RBM26: variants seen among roughly 807,000 people sequenced by gnomAD.
RBM26 encodes the protein RNA binding motif protein 26.
Under a neutral mutation model 123.6 loss-of-function variants are expected in RBM26, and 30 were observed. The observed-to-expected ratio is 0.24, with a 90% CI of 0.18 to 0.33. The LOEUF is 0.33. Ranked by LOEUF, RBM26 falls within the 10% of genes least tolerant of loss-of-function variation. RBM26 has a pLI of 1.00. For synonymous variants in RBM26, 400 were observed against 404.4 expected, an observed-to-expected ratio of 0.99 and a Z score of 0.13; for missense variants, 947 against 1,203.6, an observed-to-expected ratio of 0.79 and a Z score of 3.15.
At chr13:79,314,524 A>T (rs1241215120), downstream of RBM26, 2 of 151,900 alleles carry the variant, frequency 1.3e-5, no homozygotes, top group African/African-American at 4.8e-5. Flanking sequence ...TGGCTATCCT[A>T]CTCCCAGAAA....
Position 79,337,200 on chromosome 13 carries a change from C to T in RBM26, c.2635G>A (p.Gly879Ser), listed in dbSNP as rs755860220. ...GRGRGRGRGR[G>S]VPGHAVVDHR... is the part of the protein sequence containing the mutation. ...TCCACCACAGCATGACCAGGCACACCTCGCCCTCGCCCTCGCCCCCTGCCT... is the reference window on the plus strand; with the variant it reads ...TCCACCACAGCATGACCAGGCACACTTCGCCCTCGCCCTCGCCCCCTGCCT... The change falls in exon 19 of 22, where the codon GGT becomes AGT. Residue 879 changes from glycine to serine, a missense_variant. Gly to Ser is a moderately conservative substitution (Grantham distance 56, BLOSUM62 0). Coordinates refer to ENST00000438737, the MANE Select transcript of RBM26 (RefSeq NM_001366735.2). 6.2e-7 allele frequency: 1 copy of T among 1,614,058 alleles called. No individual in the cohort carries two copies. The highest frequency in any genetic ancestry group is 1.7e-5 in the Admixed American group (1 of 60,010).
rs1055419321 is a variant in RBM26, at chr13:79,319,794, C to T, written c.*827G>A. 5 of 977,744 alleles carry T rather than the reference C, an allele frequency of 5.1e-6. No individual in the cohort carries two copies. In the East Asian group the frequency reaches 3.4e-4, roughly 67 times the overall value. The allele number at this position is 977,744 out of a possible 1,614,324, so 60.6% of individuals were successfully genotyped here. On this transcript the variant is annotated 3_prime_UTR_variant, in exon 22 of 22. Coordinates refer to ENST00000438737, the MANE Select transcript of RBM26 (RefSeq NM_001366735.2). ...GGATTGTACATTATTGTAAGGGTAC[C>T]AGTAACCATTATTATTAAGAATAAG...
intron 1 of RBM26, among the ~76,000 whole-genome samples, chr13:79,386,700 G>C (rs3742120): frequency 0.36 from 53,885 of 147,886 alleles, 11,432 homozygotes; most frequent in Middle Eastern, 0.52. Context: ...AGGAAGAATT[G>C]AGTTATCTGA....
chr13:79,395,674 G>A (rs1328529687), intron 1 of RBM26, among the ~76,000 whole-genome samples: 1 of 152,084 alleles, frequency 6.6e-6, no homozygotes, highest in Non-Finnish European at 1.5e-5. Context: ...GAGCCCAGGA[G>A]GTCCAGTCCG....
At chr13:79,331,039 C>A (rs2069222146) in intron 20 of RBM26, among the ~76,000 whole-genome samples, 1 of 131,476 alleles carries the variant, frequency 7.6e-6, no homozygotes, top group Admixed American at 8.5e-5. Flanking sequence ...AAGATAGGGT[C>A]TGGCTCTGTC....
intron 1 of RBM26, among the ~76,000 whole-genome samples, chr13:79,393,641 G>A (rs952772978): frequency 6.6e-6 from 1 of 152,104 alleles, no homozygotes; most frequent in East Asian, 1.9e-4. Flanking sequence ...CCCATTCGCT[G>A]TCTGGCTTAC....
At chr13:79,372,268 G>A (rs2075973710) in intron 3 of RBM26, among the ~76,000 whole-genome samples, 1 of 152,144 alleles carries the variant, frequency 6.6e-6, no homozygotes, top group Non-Finnish European at 1.5e-5. Flanking sequence ...GCGACAGAGT[G>A]AGGCTCTGCC....
At chr13:79,401,293 C>T (rs1367689167) in intron 1 of RBM26, among the ~76,000 whole-genome samples, 1 of 152,134 alleles carries the variant, frequency 6.6e-6, no homozygotes, top group Non-Finnish European at 1.5e-5. Context: ...AATCACGATG[C>T]TTTAGAACTT....
rs149083019 is a variant in RBM26, at chr13:79,402,810, T to A, written c.71+2894A>T. On this transcript the variant is annotated intron_variant, in intron 1 of 21. Coordinates refer to ENST00000438737, the MANE Select transcript of RBM26 (RefSeq NM_001366735.2). ...TGATGTTCCCAGACTTCAACACCTA[T>A]CTTTCCTGCTAAATGGTAAATAAAA... Among the ~76,000 whole-genome samples the A allele has an allele frequency of 5.9e-5, 9 of 152,260 alleles. No individual in the cohort carries two copies. The East Asian group carries it at 1.2e-3, about 20-fold the overall frequency.
chr13:79,368,812 C>G lies in RBM26; in HGVS notation c.813G>C (p.Trp271Cys). ...CCACTTGGTCTTCATGAAATTCAGA[C>G]CAACTTTCGGTAGTGTTGTTTCCAT... ...THHGNNTTESWSEFHEDQVDH... is the reference protein window; with the variant it reads ...THHGNNTTESCSEFHEDQVDH... Residue 271 changes from tryptophan to cysteine, a missense_variant, in exon 6 of 22, where the codon TGG (tryptophan) becomes TGC (cysteine). Trp to Cys is a radical substitution (Grantham distance 215, BLOSUM62 -2). Around this residue, in one of 5 missense-constraint regions of RBM26, gnomAD observed 275 missense variants for 361.0 expected, o/e 0.76. Transcript: ENST00000438737. 1 of 1,613,878 alleles carries G rather than the reference C, an allele frequency of 6.2e-7. No individual in the cohort carries two copies. The highest frequency in any genetic ancestry group is 8.5e-7 in the Non-Finnish European group (1 of 1,179,846).
intron 5 of RBM26, among the ~76,000 whole-genome samples, chr13:79,369,647 T>A (rs1221158288): frequency 6.6e-6 from 1 of 152,200 alleles, no homozygotes; most frequent in East Asian, 1.9e-4. Context: ...GAAAAGGTGC[T>A]TTACTGAAAA....
At chr13:79,362,114 A>AT (rs1293815662) in intron 9 of RBM26, among the ~76,000 whole-genome samples, 3 of 152,180 alleles carry the variant, frequency 2.0e-5, no homozygotes, top group Admixed American at 1.3e-4. Flanking sequence ...TCCATATCCT[A>AT]TTTCCCACTG....
intron 1 of RBM26, among the ~76,000 whole-genome samples, chr13:79,396,910 A>G (rs1040341082): frequency 5.3e-5 from 8 of 152,242 alleles, no homozygotes; most frequent in African/African-American, 1.4e-4. Context: ...GGCCAGGCAC[A>G]ATGGCTCATG....
chr13:79,361,953 A>G (rs2074740828), intron 9 of RBM26, among the ~76,000 whole-genome samples: 1 of 152,140 alleles, frequency 6.6e-6, no homozygotes, highest in Non-Finnish European at 1.5e-5. Flanking sequence ...GTTAAGTCAG[A>G]CCTACAGATT....
At chr13:79,332,678 T>A (rs945030291) in intron 20 of RBM26, among the ~76,000 whole-genome samples, 1 of 152,206 alleles carries the variant, frequency 6.6e-6, no homozygotes, top group Admixed American at 6.5e-5. Context: ...TTAGTTATTC[T>A]GTCACTTATT....
chr13:79,381,956 G>A (rs148962393), intron 1 of RBM26, among the ~76,000 whole-genome samples: 5 of 152,118 alleles, frequency 3.3e-5, no homozygotes, highest in Non-Finnish European at 7.4e-5. Flanking sequence ...CAAAACAACT[G>A]AATTTGCATT....
Position 79,373,473 on chromosome 13 carries a change from A to ATATATT in RBM26, c.328-1544_328-1543insAATATA, listed in dbSNP as rs2076291576. Among the ~76,000 whole-genome samples the ATATATT allele has an allele frequency of 0.011, 14 of 1,314 alleles. No homozygotes were observed. In the East Asian group the frequency reaches 0.19, roughly 18 times the overall value. The allele number at this position is 1,314 out of a possible 152,430, so 0.9% of individuals were successfully genotyped here. A position where few individuals can be genotyped will look rare whatever the true frequency, so the allele number is the denominator to read the frequency against. ...TATATAAATATATATAATATGTATA[A>ATATATT]ATATACAAATATATATAATATGTAT... On this transcript the variant is annotated intron_variant, in intron 3 of 21. Transcript: ENST00000438737.
intron 1 of RBM26, among the ~76,000 whole-genome samples, chr13:79,386,363 T>G (rs1454338686): frequency 6.6e-6 from 1 of 151,150 alleles, no homozygotes; most frequent in African/African-American, 2.4e-5. Context: ...CCAGGAATCC[T>G]GATATCACAC....
intron 2 of RBM26, among the ~76,000 whole-genome samples, chr13:79,378,241 A>T (rs759520957): frequency 6.6e-6 from 1 of 152,212 alleles, no homozygotes; most frequent in Non-Finnish European, 1.5e-5. Context: ...ATAGGCAGTC[A>T]TTTTCTTAAT....
Sources: allele counts gnomAD v4.1 joint callset (sites outside exome capture counted in the v4.1 genomes callset), GRCh38; gene constraint gnomAD v4.1.1; regional missense constraint gnomAD v4.1.1; transcripts MANE v1.5; gene names NCBI Gene and HGNC (gene_info 2026-07-23, HGNC 2026-07-21).